The following NAALADL2 variants were observed in gnomAD, a reference collection of about 807,000 sequenced individuals.
The protein encoded by NAALADL2 is N-acetylated alpha-linked acidic dipeptidase like 2.
In NAALADL2, 76 loss-of-function variants were observed where a neutral mutation model predicts 87.2. That is an observed-to-expected ratio of 0.87 (90% CI 0.72 to 1.05). The LOEUF is 1.05. Among genes scored for constraint, NAALADL2 ranks in the 50% least tolerant of loss-of-function variants. The pLI is 0.00. For missense variants in NAALADL2, 1,089 were observed against 945.8 expected, an observed-to-expected ratio of 1.15 and a Z score of -1.99; for synonymous variants, 354 against 331.0, an observed-to-expected ratio of 1.07 and a Z score of -0.75.
intron 3 of NAALADL2, among the ~76,000 whole-genome samples, chr3:174,819,597 G>A (rs2109326113): frequency 6.6e-6 from 1 of 152,088 alleles, no homozygotes; most frequent in South Asian, 2.1e-4. Context: ...TTTAGTAATG[G>A]GAGTTCATAG....
At chr3:174,875,328 G>C (rs1294253917) in intron 1 of NAALADL2, among the ~76,000 whole-genome samples, 2 of 152,004 alleles carry the variant, frequency 1.3e-5, no homozygotes, top group Non-Finnish European at 2.9e-5. Flanking sequence ...GGAGTGAAAA[G>C]AGTAGACTTT....
intron 1 of NAALADL2, among the ~76,000 whole-genome samples, chr3:175,009,507 G>A (rs1009422472): frequency 6.6e-6 from 1 of 152,150 alleles, no homozygotes; most frequent in Non-Finnish European, 1.5e-5. Context: ...GACAAATTAT[G>A]TATTATTACC....
chr3:175,344,241 ACTT>A (rs1258255722), intron 5 of NAALADL2, among the ~76,000 whole-genome samples: 1 of 151,990 alleles, frequency 6.6e-6, no homozygotes, highest in East Asian at 1.9e-4. Flanking sequence ...TTTCAACAGT[ACTT>A]CTTTGGTTTC....
intron 3 of NAALADL2, among the ~76,000 whole-genome samples, chr3:174,751,662 C>CAAA (rs35752458): frequency 0.29 from 37,114 of 128,068 alleles, 5,963 homozygotes; most frequent in African/African-American, 0.44. Flanking sequence ...GACTTTGTCT[C>CAAA]AAAAAAAAAA....
intron 1 of NAALADL2, among the ~76,000 whole-genome samples, chr3:174,937,307 A>G (rs2108449414): frequency 6.6e-6 from 1 of 152,126 alleles, no homozygotes; most frequent in African/African-American, 2.4e-5. Context: ...TTAGGATAAC[A>G]ATGAAACAGT....
intron 11 of NAALADL2, among the ~76,000 whole-genome samples, chr3:175,709,805 G>A (rs867173834): frequency 7.2e-5 from 11 of 152,038 alleles, no homozygotes; most frequent in Admixed American, 3.9e-4. Context: ...TTTCAAGAAC[G>A]TATATTGTGC....
Position 175,687,413 on chromosome 3 carries a change from T to A in NAALADL2, c.1897-49893T>A, listed in dbSNP as rs963311176. On this transcript the variant is annotated intron_variant, in intron 11 of 13. Coordinates refer to ENST00000454872, the MANE Select transcript of NAALADL2 (RefSeq NM_207015.3). ...TTGCTAATATCCACTAAACATGTTA[T>A]TGTTTATGCATAGCTTTATGAGTAG... 6.6e-5 allele frequency among the ~76,000 whole-genome samples: 10 copies of A among 152,274 alleles called. No individual in the cohort carries two copies. The South Asian group carries it at 2.1e-3, about 32-fold the overall frequency.
At chr3:175,385,435 A>G (rs1768259736) in intron 5 of NAALADL2, among the ~76,000 whole-genome samples, 2 of 152,082 alleles carry the variant, frequency 1.3e-5, no homozygotes. Context: ...GCTGTCGGCA[A>G]GTGAAAGATA....
intron 2 of NAALADL2, among the ~76,000 whole-genome samples, chr3:174,617,915 G>A (rs935478521): frequency 6.6e-5 from 10 of 151,648 alleles, no homozygotes; most frequent in African/African-American, 2.2e-4. Flanking sequence ...GGAATACATG[G>A]TATGTGAACT....
rs1754967980 is a variant in NAALADL2 at position 175,809,391 on chromosome 3, C to T, written c.*6188C>T. 1.3e-5 allele frequency: 2 copies of T among 150,930 alleles called. No individual in the cohort carries two copies. Among genetic ancestry groups the T allele is most frequent in the South Asian group, 4.2e-4 (2 of 4,794 alleles). The allele number at this position is 150,930 out of a possible 1,614,324, so 9.3% of individuals were successfully genotyped here. ...ATATTCCTTATATTCTAACTTGCTA[C>T]TTGGAGAATATGGATATTCTGAAAA... On this transcript the variant is annotated 3_prime_UTR_variant, in exon 14 of 14. Coordinates refer to ENST00000454872, the MANE Select transcript of NAALADL2 (RefSeq NM_207015.3).
intron 2 of NAALADL2, among the ~76,000 whole-genome samples, chr3:174,578,554 T>A (rs1363788955): frequency 6.6e-6 from 1 of 151,934 alleles, no homozygotes; most frequent in African/African-American, 2.4e-5. Context: ...AAGCAAGATA[T>A]GTTTACTTAA....
intron 2 of NAALADL2, among the ~76,000 whole-genome samples, chr3:175,197,206 G>A (rs1324055248): frequency 6.6e-6 from 1 of 151,920 alleles, no homozygotes; most frequent in African/African-American, 2.4e-5. Flanking sequence ...TGCAGCTATG[G>A]TTTAAGTCTG....
intron 2 of NAALADL2, among the ~76,000 whole-genome samples, chr3:175,158,029 A>G (rs1298818184): frequency 6.6e-6 from 1 of 152,096 alleles, no homozygotes; most frequent in African/African-American, 2.4e-5. Flanking sequence ...TTTATTAAAG[A>G]ACTTTGTAGA....
intron 5 of NAALADL2, among the ~76,000 whole-genome samples, chr3:175,427,075 G>T (rs1489053257): frequency 6.6e-6 from 1 of 152,132 alleles, no homozygotes; most frequent in African/African-American, 2.4e-5. Context: ...TTCACTTCTG[G>T]TAGCCTAAGG....
At chr3:175,694,468 G>A (rs1408691050) in intron 11 of NAALADL2, among the ~76,000 whole-genome samples, 6 of 152,166 alleles carry the variant, frequency 3.9e-5, no homozygotes, top group Non-Finnish European at 5.9e-5. Flanking sequence ...TGAAGATACT[G>A]ACACAAGAGT....
intron 1 of NAALADL2, among the ~76,000 whole-genome samples, chr3:174,958,308 T>A (rs1741451162): frequency 6.6e-6 from 1 of 151,878 alleles, no homozygotes. Flanking sequence ...CTATATTAGA[T>A]GCCCAATAGC....
At chr3:175,600,477 C>G (rs929408594) in intron 10 of NAALADL2, among the ~76,000 whole-genome samples, 9 of 139,246 alleles carry the variant, frequency 6.5e-5, no homozygotes, top group African/African-American at 2.3e-4. Context: ...TTTTTCCTTA[C>G]TGGTGTCTGT....
chr3:175,340,111 G>T (rs984178860), intron 5 of NAALADL2, among the ~76,000 whole-genome samples: 4 of 152,042 alleles, frequency 2.6e-5, no homozygotes, highest in African/African-American at 9.7e-5. Flanking sequence ...AACAGGATAG[G>T]AACCATTTTG....
intron 1 of NAALADL2, among the ~76,000 whole-genome samples, chr3:174,492,415 T>A (rs1025646613): frequency 2.0e-5 from 3 of 152,202 alleles, no homozygotes; most frequent in Non-Finnish European, 4.4e-5. Flanking sequence ...TAACCTGTTG[T>A]GATCGGTTTT....
Sources: gnomAD v4.1 joint callset for allele counts (sites outside exome capture counted in the v4.1 genomes callset) on GRCh38, gnomAD v4.1.1 for gene constraint, MANE v1.5 for transcripts, NCBI Gene and HGNC (gene_info 2026-07-23, HGNC 2026-07-21) for gene names.